SGCZ: variants seen among roughly 807,000 people sequenced by gnomAD.
SGCZ encodes the protein zeta-sarcoglycan.
Under a neutral mutation model 41.3 loss-of-function variants are expected in SGCZ, and 40 were observed. That is an observed-to-expected ratio of 0.97 (90% CI 0.75 to 1.26). SGCZ has a LOEUF of 1.26. Among genes scored for constraint, SGCZ ranks in the 50% most tolerant of loss-of-function variants. The probability of loss-of-function intolerance (pLI) is 0.00; values close to 1 mark genes in which losing one functional copy is unlikely to be tolerated. For synonymous variants in SGCZ, 206 were observed against 137.5 expected (o/e 1.50, Z -3.49); for missense variants, 552 against 369.8 (o/e 1.49, Z -4.04).
intron 2 of SGCZ, among the ~76,000 whole-genome samples, chr8:14,326,111 C>CAAAAAAAAAAAA (rs56152915): frequency 0.22 from 8,346 of 37,748 alleles, 3,568 homozygotes; most frequent in Middle Eastern, 0.45. Flanking sequence ...GACTCCGTCT[C>CAAAAAAAAAAAA]AAAAAAAAAA....
At chr8:14,557,483 T>A (rs1300903015) in intron 1 of SGCZ, among the ~76,000 whole-genome samples, 1 of 152,122 alleles carries the variant, frequency 6.6e-6, no homozygotes, top group Non-Finnish European at 1.5e-5. Context: ...GGGCTCTTAG[T>A]CATGAAATCC....
intron 1 of SGCZ, among the ~76,000 whole-genome samples, chr8:14,724,123 G>A (rs1809976850): frequency 6.6e-6 from 1 of 152,102 alleles, no homozygotes; most frequent in Non-Finnish European, 1.5e-5. Context: ...AGAAAAATGT[G>A]TCTTATCTTT....
rs560221800 is a variant in SGCZ at position 14,573,202 on chromosome 8, T to A, written c.40-18276A>T. ...TTCTTAGCAAGTCTTTTTTTTTTTTTTTTTTTTTTTTTTGAGACGGAGTCT... is the reference window on the plus strand; with the variant it reads ...TTCTTAGCAAGTCTTTTTTTTTTTTATTTTTTTTTTTTTGAGACGGAGTCT... On this transcript the variant is annotated intron_variant, in intron 1 of 7. Coordinates refer to ENST00000382080, the MANE Select transcript of SGCZ (RefSeq NM_139167.4). 6.2e-3 allele frequency among the ~76,000 whole-genome samples: 876 copies of A among 140,206 alleles called. 13 individuals are homozygous for A. Among genetic ancestry groups the A allele is most frequent in the African/African-American group, 0.022 (835 of 37,488 alleles). 92.0% of individuals were successfully genotyped at this position (140,206 alleles called of 152,430 possible).
intron 2 of SGCZ, among the ~76,000 whole-genome samples, chr8:14,475,173 A>G (rs943551032): frequency 6.6e-6 from 1 of 152,184 alleles, no homozygotes; most frequent in Non-Finnish European, 1.5e-5. Flanking sequence ...ATTAAAAAGC[A>G]AAAGAATTAT....
At chr8:14,304,835 C>G (rs1801300544) in intron 3 of SGCZ, among the ~76,000 whole-genome samples, 1 of 151,982 alleles carries the variant, frequency 6.6e-6, no homozygotes, top group Admixed American at 6.6e-5. Context: ...AATAGCACAC[C>G]TAGTTTTGCA....
chr8:15,149,519 G>A (rs142135354), intron 1 of SGCZ, among the ~76,000 whole-genome samples: 1 of 152,246 alleles, frequency 6.6e-6, no homozygotes, highest in African/African-American at 2.4e-5. Context: ...CCAAGGCTCT[G>A]ACAGACAACT....
intron 2 of SGCZ, among the ~76,000 whole-genome samples, chr8:14,473,937 C>CAAAAA (rs11352108): frequency 7.1e-6 from 1 of 141,420 alleles, no homozygotes; most frequent in Non-Finnish European, 1.5e-5. Context: ...GACCCTGTCT[C>CAAAAA]AAAAAAAAAA....
chr8:15,203,287 C>G (rs75608098), intron 1 of SGCZ, among the ~76,000 whole-genome samples: 30 of 152,064 alleles, frequency 2.0e-4, no homozygotes, highest in Non-Finnish European at 3.4e-4. Flanking sequence ...AGTTTCTAAA[C>G]GGTCTTTTGC....
At chr8:14,864,109 A>G (rs1435100372) in intron 1 of SGCZ, among the ~76,000 whole-genome samples, 2 of 152,150 alleles carry the variant, frequency 1.3e-5, no homozygotes, top group Admixed American at 1.3e-4. Context: ...ATATTCTTGA[A>G]CTAGATGCTC....
chr8:15,094,807 C>T (rs1269020095), intron 1 of SGCZ, among the ~76,000 whole-genome samples: 2 of 152,066 alleles, frequency 1.3e-5, no homozygotes, highest in African/African-American at 4.8e-5. Context: ...AGGAGCTTTC[C>T]CCTTCGCTCT....
At chr8:14,779,859 T>A (rs561991305) in intron 1 of SGCZ, among the ~76,000 whole-genome samples, 1 of 152,342 alleles carries the variant, frequency 6.6e-6, no homozygotes, top group Admixed American at 6.5e-5. Flanking sequence ...AATAATTGCA[T>A]TTAATTAAAT....
At chr8:14,162,341 A>G (rs1804072675) in intron 5 of SGCZ, among the ~76,000 whole-genome samples, 1 of 152,162 alleles carries the variant, frequency 6.6e-6, no homozygotes, top group African/African-American at 2.4e-5. Context: ...CCTAGAATTT[A>G]TCTCAGGATT....
At chr8:14,412,531 G>A (rs569449658) in intron 2 of SGCZ, among the ~76,000 whole-genome samples, 8 of 152,170 alleles carry the variant, frequency 5.3e-5, no homozygotes, top group African/African-American at 1.9e-4. Flanking sequence ...CAGCTGTTCT[G>A]TTTAAATAAT....
rs191148284 is a variant in SGCZ at position 14,106,960 on chromosome 8, T to C, written c.620+1203A>G. Among the ~76,000 whole-genome samples, 1,201 of 152,274 alleles carry C rather than the reference T, an allele frequency of 7.9e-3. 17 individuals carry two copies. The highest frequency in any genetic ancestry group is 0.028 in the African/African-American group (1,156 of 41,550). On this transcript the variant is annotated intron_variant, in intron 6 of 7. Coordinates refer to ENST00000382080, the MANE Select transcript of SGCZ (RefSeq NM_139167.4). ...GGCTAGGCGCGGTGGCTCACGCCTG[T>C]AATCCCAGCACTTTGGGAGGCCGAG...
At chr8:14,578,929 A>C (rs1256890449) in intron 1 of SGCZ, among the ~76,000 whole-genome samples, 1 of 151,844 alleles carries the variant, frequency 6.6e-6, no homozygotes, top group Non-Finnish European at 1.5e-5. Context: ...CTCTTTTCCT[A>C]CTCTTCTGTC....
chr8:15,104,734 AT>A, intron 1 of SGCZ, among the ~76,000 whole-genome samples: 1 of 152,296 alleles, frequency 6.6e-6, no homozygotes, highest in African/African-American at 2.4e-5. Flanking sequence ...ATAACAACAT[AT>A]AGAAGTGTAC....
intron 1 of SGCZ, among the ~76,000 whole-genome samples, chr8:14,723,648 C>T (rs1809960399): frequency 6.6e-6 from 1 of 151,730 alleles, no homozygotes; most frequent in Non-Finnish European, 1.5e-5. Context: ...AAGCATAGAA[C>T]ACATGAAATT....
chr8:14,099,941 A>ATTTCATCCATCATTT (rs1255551719), intron 7 of SGCZ, among the ~76,000 whole-genome samples: 3 of 57,488 alleles, frequency 5.2e-5, no homozygotes, highest in African/African-American at 7.8e-5. Context: ...ATTCTTCTAC[A>ATTTCATCCATCATTT]TTTCATCCAT....
chr8:14,604,870 T>C (rs1177732907), intron 1 of SGCZ, among the ~76,000 whole-genome samples: 2 of 152,182 alleles, frequency 1.3e-5, no homozygotes, highest in African/African-American at 4.8e-5. Context: ...AGACTTACTT[T>C]TGATCTCCAA....
Sources: allele counts gnomAD v4.1 joint callset (sites outside exome capture counted in the v4.1 genomes callset), GRCh38; gene constraint gnomAD v4.1.1; transcripts MANE v1.5; gene names NCBI Gene and HGNC (gene_info 2026-07-23, HGNC 2026-07-21).